RBFOX1: variants seen among roughly 807,000 people sequenced by gnomAD.
The protein encoded by RBFOX1 is RNA binding fox-1 homolog 1.
A neutral mutation model predicts 57.7 loss-of-function variants in RBFOX1; 8 were observed. The ratio of observed to expected loss-of-function variants is 0.14; its 90% confidence interval spans 0.08 to 0.25. The LOEUF (loss-of-function observed/expected upper bound fraction) is 0.25, where lower values mean the gene tolerates loss of function less well. Among genes scored for constraint, RBFOX1 ranks in the 10% least tolerant of loss-of-function variants. RBFOX1 has a pLI of 1.00. For missense variants in RBFOX1, 611 were observed against 548.5 expected (o/e 1.11, Z -1.14); for synonymous variants, 326 against 222.4 (o/e 1.47, Z -4.15).
At chr16:6,769,715 G>A (rs1309816104) in intron 3 of RBFOX1, among the ~76,000 whole-genome samples, 3 of 152,122 alleles carry the variant, frequency 2.0e-5, no homozygotes, top group Non-Finnish European at 2.9e-5. Context: ...AAGCTTCTGT[G>A]GCTTGATCTT....
intron 4 of RBFOX1, among the ~76,000 whole-genome samples, chr16:7,314,167 T>G (rs1192143075): frequency 6.6e-6 from 1 of 152,274 alleles, no homozygotes; most frequent in East Asian, 1.9e-4. Flanking sequence ...CTGAGAATGA[T>G]GGAGTGTATT....
chr16:6,870,813 C>T (rs959346801), intron 3 of RBFOX1, among the ~76,000 whole-genome samples: 11 of 152,266 alleles, frequency 7.2e-5, no homozygotes, highest in Non-Finnish European at 1.6e-4. Context: ...GAGGCAATTT[C>T]AGATTCTTAT....
intron 1 of RBFOX1, among the ~76,000 whole-genome samples, chr16:6,040,288 A>T (rs2095422135): frequency 6.6e-6 from 1 of 152,242 alleles, no homozygotes; most frequent in Non-Finnish European, 1.5e-5. Flanking sequence ...CGCAAGCAAC[A>T]CTATCACCCG....
At chr16:7,471,885 T>G (rs1008473382) in intron 4 of RBFOX1, among the ~76,000 whole-genome samples, 1 of 152,194 alleles carries the variant, frequency 6.6e-6, no homozygotes, top group Non-Finnish European at 1.5e-5. Flanking sequence ...TAGCAACCCT[T>G]CATTCTATGC....
At chr16:7,074,553 A>C (rs142135791) in intron 4 of RBFOX1, among the ~76,000 whole-genome samples, 1,642 of 152,234 alleles carry the variant, frequency 0.011, 16 homozygotes, top group Non-Finnish European at 0.017. Flanking sequence ...TATTGAAAAA[A>C]ATTGAAAAAA....
chr16:7,534,396 A>G (rs948194253), intron 5 of RBFOX1, among the ~76,000 whole-genome samples: 1 of 151,984 alleles, frequency 6.6e-6, no homozygotes, highest in African/African-American at 2.4e-5. Context: ...CACGGCCACC[A>G]CAGCAACTCT....
At chr16:7,166,875 G>T (rs2079613297) in intron 4 of RBFOX1, among the ~76,000 whole-genome samples, 1 of 150,184 alleles carries the variant, frequency 6.7e-6, no homozygotes, top group African/African-American at 2.5e-5. Context: ...GCTGGGGACT[G>T]CACAGACACA....
chr16:7,557,154 A>C (rs959694830), intron 5 of RBFOX1, among the ~76,000 whole-genome samples: 1 of 152,114 alleles, frequency 6.6e-6, no homozygotes, highest in Admixed American at 6.5e-5. Flanking sequence ...CATGGAGGTG[A>C]AGTAATTTGC....
intron 4 of RBFOX1, among the ~76,000 whole-genome samples, chr16:7,221,703 A>G (rs906293188): frequency 5.9e-5 from 9 of 152,266 alleles, no homozygotes; most frequent in African/African-American, 1.7e-4. Context: ...TGTTCTCCAC[A>G]TATATACTTT....
At chr16:6,043,096 C>T (rs555300103) in intron 1 of RBFOX1, among the ~76,000 whole-genome samples, 22 of 112,086 alleles carry the variant, frequency 2.0e-4, no homozygotes, top group African/African-American at 5.3e-4. Flanking sequence ...GCAGCCTGGG[C>T]GACAGAGCAA....
intron 10 of RBFOX1, among the ~76,000 whole-genome samples, chr16:7,617,488 C>T (rs2141854976): frequency 6.6e-6 from 1 of 152,198 alleles, no homozygotes; most frequent in Middle Eastern, 3.4e-3. Context: ...ATAAAGCCAC[C>T]AGTTTAAGCC....
chr16:6,811,038 A>T (rs947145971), intron 3 of RBFOX1, among the ~76,000 whole-genome samples: 3 of 152,192 alleles, frequency 2.0e-5, no homozygotes, highest in African/African-American at 7.2e-5. Context: ...AGAAAAACTG[A>T]TGATGATAAG....
At chr16:7,117,985 C>A (rs1244360710) in intron 4 of RBFOX1, among the ~76,000 whole-genome samples, 1 of 152,152 alleles carries the variant, frequency 6.6e-6, no homozygotes, top group African/African-American at 2.4e-5. Context: ...CTTATGCAAT[C>A]ACTTAGGTTG....
At chr16:5,433,336 GCT>G (rs1268210129) in intron 1 of RBFOX1, among the ~76,000 whole-genome samples, 1 of 152,160 alleles carries the variant, frequency 6.6e-6, no homozygotes, top group Non-Finnish European at 1.5e-5. Flanking sequence ...CCTCCTTCCT[GCT>G]CTCTGCCTCC....
At chr16:5,388,420 T>C (rs2066312969) in intron 1 of RBFOX1, among the ~76,000 whole-genome samples, 1 of 152,184 alleles carries the variant, frequency 6.6e-6, no homozygotes, top group Non-Finnish European at 1.5e-5. Context: ...CAGTCAAGGA[T>C]GCTGTGTAGG....
rs561925225 is a variant in RBFOX1, at chr16:5,800,252, G to T, written c.319-67051G>T. Among the ~76,000 whole-genome samples, 3 of 152,278 alleles carry T rather than the reference G, an allele frequency of 2.0e-5. No homozygotes were observed. The South Asian group carries it at 6.2e-4, about 32-fold the overall frequency. On this transcript the variant is annotated intron_variant, in intron 3 of 19. Coordinates refer to the RBFOX1 transcript ENST00000641259. ...GCTCTGGCATGTCCAGTCCAATGGTGTGTAGCCTAATTTTGGATTAGCAGA... is the reference window on the plus strand; with the variant it reads ...GCTCTGGCATGTCCAGTCCAATGGTTTGTAGCCTAATTTTGGATTAGCAGA...
intron 10 of RBFOX1, among the ~76,000 whole-genome samples, chr16:7,616,196 A>G (rs2058414180): frequency 6.6e-6 from 1 of 152,240 alleles, no homozygotes; most frequent in South Asian, 2.1e-4. Flanking sequence ...GTTTATTATA[A>G]CAAAAGGATA....
chr16:6,080,542 T>C (rs758521377), intron 1 of RBFOX1, among the ~76,000 whole-genome samples: 6 of 152,138 alleles, frequency 3.9e-5, no homozygotes, highest in Admixed American at 6.5e-5. Flanking sequence ...TTACAATGAA[T>C]GCATAATTAA....
intron 4 of RBFOX1, among the ~76,000 whole-genome samples, chr16:7,146,876 G>A (rs1210238218): frequency 3.4e-5 from 5 of 149,196 alleles, no homozygotes; most frequent in South Asian, 4.4e-4. Flanking sequence ...TCTGAACCAG[G>A]AGGTCGAGGT....
Sources: allele counts gnomAD v4.1 joint callset (sites outside exome capture counted in the v4.1 genomes callset), GRCh38; gene constraint gnomAD v4.1.1; transcripts MANE v1.5; gene names NCBI Gene and HGNC (gene_info 2026-07-23, HGNC 2026-07-21).